Variants in ATP11B observed in about 807,000 individuals in gnomAD.
ATP11B encodes ATPase phospholipid transporting 11B (putative).
ATP11B carries 81 observed loss-of-function variants against 157.8 expected under a neutral mutation model. That is an observed-to-expected ratio of 0.51 (90% CI 0.43 to 0.62). The LOEUF (loss-of-function observed/expected upper bound fraction) is 0.62. ATP11B is among the 20% of genes least tolerant of loss of function. The pLI, the probability that ATP11B is intolerant of heterozygous loss-of-function variation, is 0.00. For missense variants in ATP11B, 1,165 were observed against 1,402.2 expected, an observed-to-expected ratio of 0.83 and a Z score of 2.70; for synonymous variants, 451 against 469.4, an observed-to-expected ratio of 0.96 and a Z score of 0.51.
chr3:182,858,116 C>T (rs1720562436), intron 11 of ATP11B, 88 bp downstream of exon 11: 1 of 1,162,688 alleles, frequency 8.6e-7, no homozygotes, highest in Non-Finnish European at 1.2e-6. Context: ...ATTGGAGAGA[C>T]CACTGTAATC....
At chr3:182,862,665 G>A (rs1392430357) in intron 12 of ATP11B, among the ~76,000 whole-genome samples, 4 of 152,120 alleles carry the variant, frequency 2.6e-5, no homozygotes, top group East Asian at 1.9e-4. Flanking sequence ...CTTCCTGAGC[G>A]TTTCTGAGAA....
chr3:182,825,716 C>G (rs1295971931), intron 2 of ATP11B, among the ~76,000 whole-genome samples: 1 of 126,850 alleles, frequency 7.9e-6, no homozygotes, highest in Non-Finnish European at 1.6e-5. Context: ...GAGTGAGACT[C>G]TGTCTCAAAA....
At chr3:182,903,925 C>CT (rs902759166) in intron 28 of ATP11B, among the ~76,000 whole-genome samples, 32 of 152,044 alleles carry the variant, frequency 2.1e-4, no homozygotes, top group Non-Finnish European at 3.4e-4. Flanking sequence ...GCTTAAACCA[C>CT]TTTTTTTTAG....
At chr3:182,832,125 T>A (rs979720398) in intron 4 of ATP11B, among the ~76,000 whole-genome samples, 3 of 152,224 alleles carry the variant, frequency 2.0e-5, no homozygotes, top group Non-Finnish European at 2.9e-5. Flanking sequence ...GGTGAATTTT[T>A]ATCTACAAGT....
At chr3:182,886,534 G>C (rs1246653013) in intron 23 of ATP11B, among the ~76,000 whole-genome samples, 1 of 152,128 alleles carries the variant, frequency 6.6e-6, no homozygotes, top group Admixed American at 6.5e-5. Context: ...GTTAGCAATA[G>C]TTGTAATGGG....
At chr3:182,875,978 A>G (rs867135802) in intron 19 of ATP11B, among the ~76,000 whole-genome samples, 1 of 152,138 alleles carries the variant, frequency 6.6e-6, no homozygotes, top group Non-Finnish European at 1.5e-5. Flanking sequence ...TGGGCACAGT[A>G]GCTCATGCCT....
At chr3:182,908,338 G>A (rs898122721) in intron 28 of ATP11B, 11 of 151,218 alleles carry the variant, frequency 7.3e-5, no homozygotes, top group Middle Eastern at 3.4e-3. Flanking sequence ...GCCTACAGAC[G>A]GGCTGGGACT....
In ATP11B at chr3:182,876,803, A is replaced by G. The variant is rs530923566; in HGVS notation, c.2253-2693A>G. Reference sequence around the variant, plus strand: ...TCCGAAAAGGCCCCACTTCATAACAATGGGGGTTAACTTTCCACATTAATT... The same window carrying G: ...TCCGAAAAGGCCCCACTTCATAACAGTGGGGGTTAACTTTCCACATTAATT... On this transcript the variant is annotated intron_variant, in intron 19 of 29. Transcript: ENST00000323116. 1.2e-4 allele frequency among the ~76,000 whole-genome samples: 19 copies of G among 152,340 alleles called. No individual in the cohort carries two copies. The South Asian group carries it at 1.9e-3, about 15-fold the overall frequency.
At chr3:182,909,821 T>C (rs894687887) in intron 28 of ATP11B, among the ~76,000 whole-genome samples, 1 of 152,110 alleles carries the variant, frequency 6.6e-6, no homozygotes, top group African/African-American at 2.4e-5. Flanking sequence ...CCTAGCACTT[T>C]GGGAGGCTGA....
intron 10 of ATP11B, among the ~76,000 whole-genome samples, chr3:182,853,407 C>T (rs1348397223): frequency 6.6e-6 from 1 of 152,110 alleles, no homozygotes; most frequent in Non-Finnish European, 1.5e-5. Context: ...CAGGGTTTCA[C>T]CATGTTGGCC....
intron 1 of ATP11B, among the ~76,000 whole-genome samples, chr3:182,806,773 G>C (rs1716352372): frequency 6.6e-6 from 1 of 152,010 alleles, no homozygotes; most frequent in Admixed American, 6.6e-5. Context: ...TTCCTTTGGA[G>C]ATCTTAAACA....
intron 12 of ATP11B, among the ~76,000 whole-genome samples, chr3:182,864,953 C>T (rs1721117141): frequency 6.6e-6 from 1 of 151,574 alleles, no homozygotes; most frequent in Admixed American, 6.6e-5. Context: ...TGTTTTCTGT[C>T]CTCAGTTTCA....
intron 28 of ATP11B, among the ~76,000 whole-genome samples, chr3:182,913,377 G>A (rs976770145): frequency 1.3e-5 from 2 of 152,136 alleles, no homozygotes; most frequent in African/African-American, 4.8e-5. Flanking sequence ...TTGGGGTGAG[G>A]TCCTGCCTGA....
At chr3:182,802,194 C>G (rs1716057410) in intron 1 of ATP11B, among the ~76,000 whole-genome samples, 1 of 152,182 alleles carries the variant, frequency 6.6e-6, no homozygotes, top group African/African-American at 2.4e-5. Context: ...TCTCGTCTTT[C>G]TCTGCCACCA....
intron 25 of ATP11B, among the ~76,000 whole-genome samples, chr3:182,896,297 C>T (rs958179712): frequency 5.3e-5 from 8 of 152,052 alleles, no homozygotes; most frequent in Admixed American, 4.6e-4. Context: ...CCAAAAATAC[C>T]GTGGCATGTG....
intron 25 of ATP11B, among the ~76,000 whole-genome samples, chr3:182,894,187 T>C (rs757258444): frequency 8.5e-5 from 13 of 152,182 alleles, no homozygotes; most frequent in Non-Finnish European, 1.5e-4. Context: ...GTTAATTAAG[T>C]CCCATCTATT....
chr3:182,912,331 C>T (rs1724851217), intron 28 of ATP11B, among the ~76,000 whole-genome samples: 1 of 152,108 alleles, frequency 6.6e-6, no homozygotes, highest in Admixed American at 6.5e-5. Context: ...ATTATGATAT[C>T]TCAGGCTTCC....
intron 10 of ATP11B, among the ~76,000 whole-genome samples, chr3:182,851,687 G>A (rs1162908030): frequency 1.3e-5 from 2 of 152,194 alleles, no homozygotes; most frequent in East Asian, 3.8e-4. Flanking sequence ...TAGAGCAACT[G>A]AATATTAAAA....
chr3:182,867,509 A>G lies in ATP11B; in HGVS notation c.1688+65A>G, dbSNP rs1405705759. On this transcript the variant is annotated intron_variant, in intron 15 of 29. Transcript: ENST00000323116. Reference sequence around the variant, plus strand: ...GTGTATATAGTATAGAATAAGGATCAGTAAACTGTAGCTCACAGGGCAAAT... The same window carrying G: ...GTGTATATAGTATAGAATAAGGATCGGTAAACTGTAGCTCACAGGGCAAAT... The G allele has an allele frequency of 4.6e-6, 5 of 1,083,156 alleles. No individual in the cohort carries two copies. The East Asian group carries it at 9.8e-5, about 21-fold the overall frequency. 67.1% of individuals were successfully genotyped at this position (1,083,156 alleles called of 1,614,324 possible).
Sources: gnomAD v4.1 joint callset for allele counts (sites outside exome capture counted in the v4.1 genomes callset) on GRCh38, gnomAD v4.1.1 for gene constraint, MANE v1.5 for transcripts, NCBI Gene and HGNC (gene_info 2026-07-23, HGNC 2026-07-21) for gene names.